The following AGO3 variants were observed in gnomAD, a reference collection of about 807,000 sequenced individuals.
The protein encoded by AGO3 is protein argonaute-3.
Under a neutral mutation model 105.5 loss-of-function variants are expected in AGO3, and 16 were observed. That is an observed-to-expected ratio of 0.15 (90% CI 0.10 to 0.23). The LOEUF (loss-of-function observed/expected upper bound fraction) is 0.23, where lower values mean the gene tolerates loss of function less well. Among genes scored for constraint, AGO3 ranks in the 10% least tolerant of loss-of-function variants. The pLI is 1.00. For synonymous variants in AGO3, 340 were observed against 367.3 expected, an observed-to-expected ratio of 0.93 and a Z score of 0.85; for missense variants, 534 against 1,088.0, an observed-to-expected ratio of 0.49 and a Z score of 7.16.
At chr1:35,989,648 G>T (rs967721258) in intron 5 of AGO3, among the ~76,000 whole-genome samples, 2 of 152,090 alleles carry the variant, frequency 1.3e-5, no homozygotes, top group Non-Finnish European at 2.9e-5. Flanking sequence ...GTTGAGGTGG[G>T]TGTATTGCTT....
intron 2 of AGO3, among the ~76,000 whole-genome samples, chr1:35,947,445 A>G (rs1229781851): frequency 6.6e-6 from 1 of 152,048 alleles, no homozygotes; most frequent in East Asian, 1.9e-4. Context: ...GTACACTTCC[A>G]TTGTGGTGTT....
In AGO3 at chr1:36,061,331, C is replaced by A. The variant is rs1256031487; in HGVS notation, c.*5586C>A. 1 of 152,054 alleles carries A rather than the reference C, an allele frequency of 6.6e-6. No individual in the cohort carries two copies. The highest frequency in any genetic ancestry group is 1.5e-5 in the Non-Finnish European group (1 of 68,020). 9.4% of individuals were successfully genotyped at this position (152,054 alleles called of 1,614,324 possible). A position where few individuals can be genotyped will look rare whatever the true frequency, so the allele number is the denominator to read the frequency against. ...ATGTCAGTCAACATAATTTTTTAAA[C>A]TAAGGTATAATGGTCAAGGCTTGTG... is the stretch of plus-strand genomic sequence containing the variant. On this transcript the variant is annotated 3_prime_UTR_variant, in exon 19 of 19. Coordinates refer to ENST00000373191, the MANE Select transcript of AGO3 (RefSeq NM_024852.4).
chr1:35,964,451 T>C (rs554374521), intron 2 of AGO3, among the ~76,000 whole-genome samples: 1 of 152,332 alleles, frequency 6.6e-6, no homozygotes, highest in South Asian at 2.1e-4. Flanking sequence ...GCAGAGTACA[T>C]GATCTTGTTC....
intron 11 of AGO3, among the ~76,000 whole-genome samples, chr1:36,015,476 CTTGGAGG>C (rs2148821274): frequency 6.6e-6 from 1 of 152,296 alleles, no homozygotes; most frequent in South Asian, 2.1e-4. Flanking sequence ...CTTTCGCCTC[CTTGGAGG>C]TTGGGGATGT....
Position 36,009,061 on chromosome 1 carries a change from G to A in AGO3, c.1029+17G>A. On this transcript the variant is annotated intron_variant, in intron 8 of 18. Transcript: ENST00000373191. ...CCACTAGAAGTAATGCCTTCACACT[G>A]CTAATTAATACCCTGTTGTTCATGA... 6.5e-7 allele frequency: 1 copy of A among 1,540,630 alleles called. No individual in the cohort carries two copies. Among genetic ancestry groups the A allele is most frequent in the Non-Finnish European group, 8.7e-7 (1 of 1,149,274 alleles).
At position 35,944,303 on chromosome 1, in the gene AGO3, G is replaced by A. The variant is rs1040142678; in HGVS notation, c.20-1389G>A. ...TAGTCTCAAACTCCTAAGCTCCTAA[G>A]CCTCCTGAGTGTCTGGGATTACAGG... On this transcript the variant is annotated intron_variant, in intron 1 of 18. Coordinates refer to ENST00000373191, the MANE Select transcript of AGO3 (RefSeq NM_024852.4). Among the ~76,000 whole-genome samples the A allele has an allele frequency of 6.6e-5, 10 of 151,818 alleles. No individual in the cohort carries two copies. The East Asian group carries it at 1.4e-3, about 21-fold the overall frequency.
chr1:36,004,291 G>A (rs375455260), intron 5 of AGO3, 50 bp from the exon 6 acceptor site: 119 of 1,558,862 alleles, frequency 7.6e-5, no homozygotes, highest in Non-Finnish European at 9.7e-5. Context: ...TGAAGTTTCT[G>A]AATTTTTTAG....
intron 12 of AGO3, among the ~76,000 whole-genome samples, chr1:36,030,700 C>G (rs1286357415): frequency 6.6e-6 from 1 of 152,108 alleles, no homozygotes; most frequent in Admixed American, 6.6e-5. Flanking sequence ...GGGCTGGTCT[C>G]GAACTCCTGG....
chr1:35,972,124 A>G lies in AGO3; in HGVS notation c.413A>G (p.Glu138Gly). ...VSRVSWHLLH[E>G]VLTGRTLPEP... Reference sequence around the variant, plus strand: ...CGGGTGAGTTGGCACCTACTGCATGAAGTACTGACAGGACGGACCTTGCCT... The same window carrying G: ...CGGGTGAGTTGGCACCTACTGCATGGAGTACTGACAGGACGGACCTTGCCT... Residue 138 changes from glutamate to glycine, a missense_variant, in exon 4 of 19, where the codon GAA becomes GGA. Coordinates refer to ENST00000373191, the MANE Select transcript of AGO3 (RefSeq NM_024852.4). 1 of 1,614,146 alleles carries G rather than the reference A, an allele frequency of 6.2e-7. No individual in the cohort carries two copies. Among genetic ancestry groups the G allele is most frequent in the Non-Finnish European group, 8.5e-7 (1 of 1,180,010 alleles).
chr1:36,029,497 C>G (rs1302152052), intron 12 of AGO3, among the ~76,000 whole-genome samples: 5 of 150,394 alleles, frequency 3.3e-5, no homozygotes, highest in African/African-American at 1.2e-4. Flanking sequence ...TGGGTTCACG[C>G]CATTCTCCTG....
intron 5 of AGO3, among the ~76,000 whole-genome samples, chr1:35,988,390 C>T (rs565672739): frequency 1.6e-4 from 25 of 152,268 alleles, no homozygotes; most frequent in Admixed American, 1.4e-3. Context: ...CCAGAACTTA[C>T]TCATCTTATA....
At chr1:35,974,133 T>C (rs925922039) in intron 5 of AGO3, among the ~76,000 whole-genome samples, 2 of 152,216 alleles carry the variant, frequency 1.3e-5, no homozygotes. Context: ...CCTCTAAAAC[T>C]ATGGATATTT....
At chr1:35,939,879 T>G (rs962363165) in intron 1 of AGO3, among the ~76,000 whole-genome samples, 5 of 151,378 alleles carry the variant, frequency 3.3e-5, no homozygotes, top group East Asian at 1.9e-4. Context: ...TTTCCCTCTT[T>G]TATATTTTTG....
intron 16 of AGO3, among the ~76,000 whole-genome samples, chr1:36,041,218 C>T (rs193244767): frequency 6.7e-6 from 1 of 148,510 alleles, no homozygotes; most frequent in East Asian, 2.0e-4. Context: ...GTATAAATAC[C>T]TAAGGAAATA....
rs569170519 is a variant in AGO3 at position 35,990,486 on chromosome 1, C to A, written c.659-13855C>A. On this transcript the variant is annotated intron_variant, in intron 5 of 18. Transcript: ENST00000373191. ...TTGCACCACTGCATTCCAGTCTGGGCGACAGAGACTCCATCTCAAAAACAA... is the reference window on the plus strand; with the variant it reads ...TTGCACCACTGCATTCCAGTCTGGGAGACAGAGACTCCATCTCAAAAACAA... Among the ~76,000 whole-genome samples the A allele has an allele frequency of 4.1e-3, 627 of 152,112 alleles. 6 individuals are homozygous for A. The highest frequency in any genetic ancestry group is 0.015 in the African/African-American group (603 of 41,480).
chr1:35,932,790 T>C (rs1480902296), intron 1 of AGO3, among the ~76,000 whole-genome samples: 1 of 152,202 alleles, frequency 6.6e-6, no homozygotes, highest in African/African-American at 2.4e-5. Flanking sequence ...GGAGATGTGA[T>C]TATTTGGGAC....
chr1:35,932,907 A>G (rs1226225773), intron 1 of AGO3, among the ~76,000 whole-genome samples: 1 of 152,212 alleles, frequency 6.6e-6, no homozygotes, highest in Non-Finnish European at 1.5e-5. Context: ...ATATTTCAAA[A>G]AAGTTTTTAA....
At chr1:35,933,353 A>G (rs532652277) in intron 1 of AGO3, among the ~76,000 whole-genome samples, 25 of 152,128 alleles carry the variant, frequency 1.6e-4, no homozygotes, top group Non-Finnish European at 3.2e-4. Context: ...TTTTAAATCC[A>G]TAATTTAGGC....
In AGO3 at chr1:36,055,753, A is replaced by G; in HGVS notation, c.*8A>G. ...ACAATGTACTTCGCTTAAATAGTCC[A>G]AGTATATTCTCTGAGAGGAAGTACT... On this transcript the variant is annotated 3_prime_UTR_variant, in exon 19 of 19. Transcript: ENST00000373191. This position sits in a 1 kb window ranked among gnomAD's most constrained non-coding sequence, Gnocchi z 4.4. 6.2e-7 allele frequency: 1 copy of G among 1,612,352 alleles called. No individual in the cohort carries two copies. The highest frequency in any genetic ancestry group is 1.1e-5 in the South Asian group (1 of 90,988).
Sources: gnomAD v4.1 joint callset for allele counts (sites outside exome capture counted in the v4.1 genomes callset) on GRCh38, gnomAD v4.1.1 for gene constraint, Gnocchi (gnomAD v3.1) non-coding constraint, MANE v1.5 for transcripts, NCBI Gene and HGNC (gene_info 2026-07-23, HGNC 2026-07-21) for gene names.